Variants in STK25 observed in about 807,000 individuals in gnomAD.
The protein encoded by STK25 is serine/threonine kinase 25.
Under a neutral mutation model 53.8 loss-of-function variants are expected in STK25, and 29 were observed. The observed-to-expected ratio is 0.54, with a 90% CI of 0.40 to 0.74. The LOEUF (loss-of-function observed/expected upper bound fraction) is 0.74. STK25 is among the 30% of genes least tolerant of loss of function. The probability of loss-of-function intolerance (pLI) is 0.00; values close to 1 mark genes in which losing one functional copy is unlikely to be tolerated. For synonymous variants in STK25, 247 were observed against 238.3 expected (o/e 1.04, Z -0.33); for missense variants, 420 against 568.0 (o/e 0.74, Z 2.65).
chr2:241,499,668 C>G, intron 5 of STK25: 1 of 573,612 alleles, frequency 1.7e-6, no homozygotes, highest in Non-Finnish European at 3.1e-6. Context: ...CAAATCCCAA[C>G]GACAAGCGAC....
At chr2:241,508,233 C>T (rs563871663) in intron 1 of STK25, 98 bp from the exon 2 acceptor site, 2 of 1,313,830 alleles carry the variant, frequency 1.5e-6, no homozygotes, top group South Asian at 4.2e-5. Context: ...CCCAGGAGAC[C>T]CCCCAGGCCG....
chr2:241,493,251 C>T lies in STK25; in HGVS notation c.*2411G>A. The T allele has an allele frequency of 6.2e-7, 1 of 1,603,282 alleles. No homozygotes were observed. The stretch of plus-strand genomic sequence containing the variant: ...GCAGAGGAATGGGCATTCCCTGTGG[C>T]AACCCAGCCCCTGGAACCCGTGTCC... On this transcript the variant is annotated 3_prime_UTR_variant, in exon 12 of 12. Transcript: ENST00000316586.
intron 2 of STK25, among the ~76,000 whole-genome samples, chr2:241,505,078 C>T (rs892053509): frequency 7.8e-6 from 1 of 128,848 alleles, no homozygotes; most frequent in African/African-American, 3.0e-5. Context: ...CATCATGCCC[C>T]GTTAATTTTT....
chr2:241,492,966 A>G lies in STK25; in HGVS notation c.*2696T>C. On this transcript the variant is annotated 3_prime_UTR_variant, in exon 12 of 12. Transcript: ENST00000316586. The stretch of plus-strand genomic sequence containing the variant: ...GGATATCTGCTAAGAAAGTTCAAAA[A>G]CAGTCATGGCTGGCAGAAGCTCTGG... 6.2e-7 allele frequency: 1 copy of G among 1,613,070 alleles called. No individual in the cohort carries two copies. Among genetic ancestry groups the G allele is most frequent in the Non-Finnish European group, 8.5e-7 (1 of 1,179,072 alleles).
At position 241,500,316 on chromosome 2, in the gene STK25, C is replaced by T. The variant is rs779224464; in HGVS notation, c.319-35G>A. 4.9e-5 allele frequency: 73 copies of T among 1,498,390 alleles called. No individual in the cohort carries two copies. The Admixed American group carries it at 1.1e-3, about 23-fold the overall frequency. The allele number at this position is 1,498,390 out of a possible 1,614,324, so 92.8% of individuals were successfully genotyped here. ...AAGGTGCGACAGCAGGGCCTCAGCTCCTGTCCCAGGCCCAATGCCTGAGTT... is the reference window on the plus strand; with the variant it reads ...AAGGTGCGACAGCAGGGCCTCAGCTTCTGTCCCAGGCCCAATGCCTGAGTT... On this transcript the variant is annotated intron_variant, in intron 4 of 11. Transcript: ENST00000316586.
Position 241,494,784 on chromosome 2 carries a change from T to C in STK25, c.*878A>G, listed in dbSNP as rs1357427357. On this transcript the variant is annotated 3_prime_UTR_variant, in exon 12 of 12. Coordinates refer to ENST00000316586, the MANE Select transcript of STK25 (RefSeq NM_001271977.2). This position sits in a 1 kb window ranked among gnomAD's most constrained non-coding sequence, Gnocchi z 4.9. Reference sequence around the variant, plus strand: ...AGCATTCCTTCCAACGGGAAGTAGATGGGCGACTGCTTTGTTCACACACAT... The same window carrying C: ...AGCATTCCTTCCAACGGGAAGTAGACGGGCGACTGCTTTGTTCACACACAT... The C allele has an allele frequency of 6.6e-6, 1 of 152,244 alleles. No homozygotes were observed. Among genetic ancestry groups the C allele is most frequent in the African/African-American group, 2.4e-5 (1 of 41,456 alleles). The allele number at this position is 152,244 out of a possible 1,614,324, so 9.4% of individuals were successfully genotyped here.
In STK25 at chr2:241,496,649, A is replaced by C; in HGVS notation, c.1105-115T>G. The C allele has an allele frequency of 8.1e-7, 1 of 1,227,988 alleles. No homozygotes were observed. Among genetic ancestry groups the C allele is most frequent in the Non-Finnish European group, 1.1e-6 (1 of 895,556 alleles). The allele number at this position is 1,227,988 out of a possible 1,614,324, so 76.1% of individuals were successfully genotyped here. ...CCTTCAGGGCTCTCGCCTAGGAGCC[A>C]CACCCGGGAGCCCTTCAGCAAGCCG... is the stretch of plus-strand genomic sequence containing the variant. On this transcript the variant is annotated intron_variant, in intron 10 of 11. Coordinates refer to ENST00000316586, the MANE Select transcript of STK25 (RefSeq NM_001271977.2). This position sits in a 1 kb window ranked among gnomAD's most constrained non-coding sequence, Gnocchi z 5.8.
In STK25 at chr2:241,493,957, G is replaced by GTGTC. The variant is rs1213649348; in HGVS notation, c.*1701_*1704dup. 8.6e-7 allele frequency: 1 copy of GTGTC among 1,162,040 alleles called. No individual in the cohort carries two copies. The highest frequency in any genetic ancestry group is 1.6e-5 in the African/African-American group (1 of 62,858). The allele number at this position is 1,162,040 out of a possible 1,614,324, so 72.0% of individuals were successfully genotyped here. ...CATATCCTGGGTTGTTCTTGGGACA[G>GTGTC]TGTCTGAGCACAAGATGGCTCACTG... On this transcript the variant is annotated 3_prime_UTR_variant, in exon 12 of 12. Transcript: ENST00000316586.
chr2:241,506,675 G>A (rs1574967976), intron 2 of STK25, among the ~76,000 whole-genome samples: 1 of 152,306 alleles, frequency 6.6e-6, no homozygotes, highest in East Asian at 1.9e-4. Flanking sequence ...GCCAAGACAG[G>A]AGAATCGCTT....
intron 2 of STK25, 116 bp downstream of exon 2, chr2:241,507,890 G>C: frequency 4.6e-6 from 5 of 1,077,342 alleles, no homozygotes; most frequent in Non-Finnish European, 6.8e-6. Flanking sequence ...CACGACGCGC[G>C]CTCCTTCCCT....
At chr2:241,505,870 T>C (rs1161640660) in intron 2 of STK25, among the ~76,000 whole-genome samples, 1 of 152,028 alleles carries the variant, frequency 6.6e-6, no homozygotes, top group South Asian at 2.1e-4. Flanking sequence ...CTCTTTTGGA[T>C]GTAGCAGCAG....
At position 241,495,495 on chromosome 2, in the gene STK25, G is replaced by T. The variant is rs1018173853; in HGVS notation, c.*167C>A. ...ACGTGCACAACAGCACACTGCAGGG[G>T]TGGAAGGAGACGGTGACCTGGTGAC... On this transcript the variant is annotated 3_prime_UTR_variant, in exon 12 of 12. Transcript: ENST00000316586. 9 of 681,498 alleles carry T rather than the reference G, an allele frequency of 1.3e-5. No individual in the cohort carries two copies. The highest frequency in any genetic ancestry group is 2.1e-5 in the Non-Finnish European group (8 of 382,868). The allele number at this position is 681,498 out of a possible 1,614,324, so 42.2% of individuals were successfully genotyped here.
At position 241,495,440 on chromosome 2, in the gene STK25, G is replaced by T; in HGVS notation, c.*222C>A. The T allele has an allele frequency of 1.8e-6, 1 of 565,944 alleles. No homozygotes were observed. The highest frequency in any genetic ancestry group is 3.2e-6 in the Non-Finnish European group (1 of 315,362). The allele number at this position is 565,944 out of a possible 1,614,324, so 35.1% of individuals were successfully genotyped here. A position where few individuals can be genotyped will look rare whatever the true frequency, so the allele number is the denominator to read the frequency against. ...TACTGCTGGGCCAGGAGAGGGAGGA[G>T]GGCAGTGGGCATAGAGAACAGCGTC... On this transcript the variant is annotated 3_prime_UTR_variant, in exon 12 of 12. Coordinates refer to ENST00000316586, the MANE Select transcript of STK25 (RefSeq NM_001271977.2).
intron 2 of STK25, among the ~76,000 whole-genome samples, chr2:241,502,955 A>C (rs1559839564): frequency 6.6e-6 from 1 of 152,144 alleles, no homozygotes. Flanking sequence ...AGATTTAAAG[A>C]AGCAATGCCT....
intron 5 of STK25, chr2:241,499,895 C>T: frequency 1.8e-6 from 1 of 544,002 alleles, no homozygotes; most frequent in Non-Finnish European, 3.4e-6. Flanking sequence ...ACACCTGCTG[C>T]TGTGCCGTGC....
Position 241,494,149 on chromosome 2 carries a change from C to T in STK25, c.*1513G>A. 3 of 1,388,184 alleles carry T rather than the reference C, an allele frequency of 2.2e-6. No individual in the cohort carries two copies. The highest frequency in any genetic ancestry group is 2.9e-6 in the Non-Finnish European group (3 of 1,040,532). 86.0% of individuals were successfully genotyped at this position (1,388,184 alleles called of 1,614,324 possible). A position where few individuals can be genotyped will look rare whatever the true frequency, so the allele number is the denominator to read the frequency against. On this transcript the variant is annotated 3_prime_UTR_variant, in exon 12 of 12. Coordinates refer to ENST00000316586, the MANE Select transcript of STK25 (RefSeq NM_001271977.2). The surrounding 1 kb of genome is among the most constrained non-coding windows in gnomAD (Gnocchi z 4.9). Reference sequence around the variant, plus strand: ...GACGCTCAACCTGCCCAGGTTTGGACACAACTACAAAGAACAGCAGGACAC... The same window carrying T: ...GACGCTCAACCTGCCCAGGTTTGGATACAACTACAAAGAACAGCAGGACAC...
Position 241,493,073 on chromosome 2 carries a change from C to T in STK25, c.*2589G>A, listed in dbSNP as rs750687713. 39 of 1,266,364 alleles carry T rather than the reference C, an allele frequency of 3.1e-5. No individual in the cohort carries two copies. The highest frequency in any genetic ancestry group is 2.4e-4 in the Admixed American group (14 of 59,430). The allele number at this position is 1,266,364 out of a possible 1,614,324, so 78.4% of individuals were successfully genotyped here. A position where few individuals can be genotyped will look rare whatever the true frequency, so the allele number is the denominator to read the frequency against. On this transcript the variant is annotated 3_prime_UTR_variant, in exon 12 of 12. Transcript: ENST00000316586. ...TCACTGGAGCCCAATGCAGGTGATG[C>T]TAGCAGACAGACACTTAACCCTGCT... is the stretch of plus-strand genomic sequence containing the variant.
At chr2:241,502,230 A>G (rs1381517299) in intron 2 of STK25, among the ~76,000 whole-genome samples, 2 of 152,152 alleles carry the variant, frequency 1.3e-5, no homozygotes, top group Non-Finnish European at 2.9e-5. Flanking sequence ...ATGCAAGGGA[A>G]AAAGTCCCCA....
chr2:241,495,781 CG>C, intron 11 of STK25, 80 bp from the exon 12 acceptor site: 2 of 1,440,324 alleles, frequency 1.4e-6, no homozygotes, highest in South Asian at 2.3e-5. Context: ...GTGCAGTCTG[CG>C]GTGGCAGCCC....
Sources: allele counts gnomAD v4.1 joint callset (sites outside exome capture counted in the v4.1 genomes callset), GRCh38; gene constraint gnomAD v4.1.1; non-coding constraint Gnocchi (gnomAD v3.1); transcripts MANE v1.5; gene names NCBI Gene and HGNC (gene_info 2026-07-23, HGNC 2026-07-21).